Variants in PARP16 observed in about 807,000 individuals in gnomAD.
PARP16 encodes poly(ADP-ribose) polymerase family member 16.
PARP16 carries 31 observed loss-of-function variants against 35.0 expected under a neutral mutation model. That is an observed-to-expected ratio of 0.88 (90% CI 0.66 to 1.19). PARP16 has a LOEUF of 1.19. Among genes scored for constraint, PARP16 ranks in the 50% most tolerant of loss-of-function variants. PARP16 has a pLI of 0.00. For missense variants in PARP16, 424 were observed against 411.2 expected (o/e 1.03, Z -0.27); for synonymous variants, 162 against 169.5 (o/e 0.96, Z 0.34).
intron 2 of PARP16, among the ~76,000 whole-genome samples, chr15:65,270,652 C>T (rs1048634667): frequency 6.6e-6 from 1 of 152,178 alleles, no homozygotes; most frequent in African/African-American, 2.4e-5. Context: ...TTATCATCCC[C>T]ATTTTATAGA....
At chr15:65,285,246 T>C (rs1250519455) in intron 1 of PARP16, among the ~76,000 whole-genome samples, 4 of 151,802 alleles carry the variant, frequency 2.6e-5, no homozygotes, top group Non-Finnish European at 5.9e-5. Context: ...CAAGCGATTC[T>C]CCTGTCTCAG....
intron 2 of PARP16, among the ~76,000 whole-genome samples, chr15:65,252,567 C>A (rs2089388535): frequency 6.6e-6 from 1 of 152,208 alleles, no homozygotes; most frequent in African/African-American, 2.4e-5. Flanking sequence ...GGCTAGAAAG[C>A]CTGGCAGCAC....
intron 3 of PARP16, among the ~76,000 whole-genome samples, chr15:65,245,845 C>T (rs1039674552): frequency 6.6e-6 from 1 of 152,162 alleles, no homozygotes; most frequent in African/African-American, 2.4e-5. Flanking sequence ...TCCTTAAACA[C>T]ATTACTTTGG....
intron 1 of PARP16, among the ~76,000 whole-genome samples, chr15:65,278,861 G>A (rs1432950030): frequency 6.6e-6 from 1 of 152,134 alleles, no homozygotes; most frequent in African/African-American, 2.4e-5. Flanking sequence ...TGAACCAAAG[G>A]TCTGCCAAGG....
intron 1 of PARP16, among the ~76,000 whole-genome samples, chr15:65,276,981 TA>T (rs566620242): frequency 0.018 from 2,560 of 139,318 alleles, 44 homozygotes; most frequent in African/African-American, 0.05. Flanking sequence ...AAACTTCATC[TA>T]AAAAAAAAAA....
downstream of PARP16, among the ~76,000 whole-genome samples, chr15:65,233,329 G>C (rs1221938964): frequency 2.6e-5 from 4 of 152,056 alleles, no homozygotes; most frequent in Non-Finnish European, 5.9e-5. Flanking sequence ...GTCAACCCAG[G>C]AGGCGGAGCT....
intron 1 of PARP16, among the ~76,000 whole-genome samples, chr15:65,284,962 C>A (rs1430276991): frequency 1.3e-5 from 2 of 151,798 alleles, no homozygotes; most frequent in Non-Finnish European, 2.9e-5. Context: ...GGACTACAGG[C>A]GTGCATCACC....
rs184547694 is a variant in PARP16, at chr15:65,263,177, C to T, written c.663G>A (p.Pro221=). ...CVAVCEVIDH[P]DVKCQTKKKD... is the part of the protein sequence containing the mutation. The stretch of plus-strand genomic sequence containing the variant: ...TCTTCTTGGTTTGGCACTTGACGTC[C>T]GGATGGTCAATGACCTCACACACGG... Residue 221 remains proline (P), a synonymous_variant, in exon 4 of 6, where the codon CCG becomes CCA. Transcript: ENST00000649807. 188 of 1,614,030 alleles carry T rather than the reference C, an allele frequency of 1.2e-4. No homozygotes were observed. The highest frequency in any genetic ancestry group is 1.5e-4 in the South Asian group (14 of 91,038).
chr15:65,282,956 T>C (rs1446837684), intron 1 of PARP16, among the ~76,000 whole-genome samples: 1 of 152,172 alleles, frequency 6.6e-6, no homozygotes, highest in African/African-American at 2.4e-5. Flanking sequence ...TGAGAATATA[T>C]TCAAACATTA....
intron 1 of PARP16, among the ~76,000 whole-genome samples, chr15:65,272,645 G>C (rs1165147582): frequency 3.9e-5 from 6 of 152,138 alleles, no homozygotes; most frequent in African/African-American, 7.2e-5. Flanking sequence ...CATTGCCCCA[G>C]TTCTCCCTTC....
Position 65,263,136 on chromosome 15 carries a change from A to G in PARP16, c.691+13T>C. 6.2e-7 allele frequency: 1 copy of G among 1,612,170 alleles called. No homozygotes were observed. The highest frequency in any genetic ancestry group is 8.5e-7 in the Non-Finnish European group (1 of 1,178,944). On this transcript the variant is annotated intron_variant, in intron 4 of 5. Coordinates refer to ENST00000649807, the MANE Select transcript of PARP16 (RefSeq NM_001316943.2). ...AGGCCTGTAGCCCAGGTCTGGACCA[A>G]GTGCTCACTCACCCTTCTTCTTGGT... is the stretch of plus-strand genomic sequence containing the variant.
chr15:65,264,076 C>T (rs1206158237), intron 3 of PARP16, among the ~76,000 whole-genome samples: 2 of 152,100 alleles, frequency 1.3e-5, no homozygotes, highest in Non-Finnish European at 2.9e-5. Flanking sequence ...GGCCGACATG[C>T]GGGGCAAGGT....
At chr15:65,275,439 G>C (rs2090224948) in intron 1 of PARP16, among the ~76,000 whole-genome samples, 1 of 151,930 alleles carries the variant, frequency 6.6e-6, no homozygotes, top group South Asian at 2.1e-4. Context: ...TACATAATTG[G>C]GATAATATCA....
At chr15:65,240,672 G>T (rs1367805926) in intron 3 of PARP16, among the ~76,000 whole-genome samples, 1 of 152,054 alleles carries the variant, frequency 6.6e-6, no homozygotes, top group Non-Finnish European at 1.5e-5. Context: ...CATTTGGGCT[G>T]TCCAGTTTTT....
chr15:65,284,104 A>T (rs2090504756), intron 1 of PARP16, among the ~76,000 whole-genome samples: 1 of 152,168 alleles, frequency 6.6e-6, no homozygotes, highest in Non-Finnish European at 1.5e-5. Context: ...TGATGATTTC[A>T]TCAGAGATAA....
intron 3 of PARP16, among the ~76,000 whole-genome samples, chr15:65,241,010 T>A (rs1462275302): frequency 6.6e-6 from 1 of 151,828 alleles, no homozygotes; most frequent in East Asian, 1.9e-4. Flanking sequence ...TTTTTTGTAT[T>A]TTTTTAGTAG....
intron 1 of PARP16, among the ~76,000 whole-genome samples, chr15:65,285,077 G>C (rs2090543925): frequency 6.6e-6 from 1 of 150,666 alleles, no homozygotes; most frequent in Non-Finnish European, 1.5e-5. Flanking sequence ...GAGCCACTCA[G>C]CCTTTTTCTT....
At chr15:65,275,721 C>A (rs1431930747) in intron 1 of PARP16, among the ~76,000 whole-genome samples, 5 of 152,144 alleles carry the variant, frequency 3.3e-5, no homozygotes, top group African/African-American at 1.2e-4. Context: ...GTAGGTTATA[C>A]AGAGTCACTG....
At chr15:65,279,756 A>C (rs548062838) in intron 1 of PARP16, among the ~76,000 whole-genome samples, 13 of 152,324 alleles carry the variant, frequency 8.5e-5, no homozygotes, top group African/African-American at 2.9e-4. Flanking sequence ...AAAATGATCA[A>C]ATCAGTTACT....
Sources: allele counts gnomAD v4.1 joint callset (sites outside exome capture counted in the v4.1 genomes callset), GRCh38; gene constraint gnomAD v4.1.1; transcripts MANE v1.5; gene names NCBI Gene and HGNC (gene_info 2026-07-23, HGNC 2026-07-21).